The following ABI3BP variants were observed in gnomAD, a reference collection of about 807,000 sequenced individuals.
ABI3BP encodes target of Nesh-SH3.
In ABI3BP, 216 loss-of-function variants were observed where a neutral mutation model predicts 268.6. The observed-to-expected ratio is 0.80, with a 90% CI of 0.72 to 0.90. The LOEUF is 0.90. Among genes scored for constraint, ABI3BP ranks in the 40% least tolerant of loss-of-function variants. The pLI is 0.00. For missense variants in ABI3BP, 2,090 were observed against 2,182.4 expected (o/e 0.96, Z 0.84); for synonymous variants, 730 against 730.0 (o/e 1.00, Z 0.00).
rs2098667040 is a variant in ABI3BP, at chr3:100,839,991, G to A, written c.1897+81C>T. The A allele has an allele frequency of 2.5e-6, 3 of 1,202,772 alleles. No individual in the cohort carries two copies. In the South Asian group the frequency reaches 3.9e-5, roughly 16 times the overall value. 74.5% of individuals were successfully genotyped at this position (1,202,772 alleles called of 1,614,324 possible). On this transcript the variant is annotated intron_variant, in intron 23 of 67. Transcript: ENST00000471714. ...CAATTCCACTGGTTCCTAAAGCCCA[G>A]TTGCTCAAGTAGCTGATATCAAACC...
intron 67 of ABI3BP, 84 bp from the exon 68 acceptor site, chr3:100,750,694 C>A: frequency 1.1e-6 from 1 of 909,438 alleles, no homozygotes; most frequent in Non-Finnish European, 1.7e-6. Context: ...ATGTCGTTGA[C>A]TAGCTGAAGG....
chr3:100,797,567 T>G (rs542774756), intron 51 of ABI3BP, among the ~76,000 whole-genome samples: 15 of 151,898 alleles, frequency 9.9e-5, no homozygotes, highest in South Asian at 2.1e-4. Flanking sequence ...AAACTGTTTT[T>G]TTTTTTTTTT....
At chr3:100,779,633 A>ATG (rs1255117025) in intron 58 of ABI3BP, among the ~76,000 whole-genome samples, 57 of 142,038 alleles carry the variant, frequency 4.0e-4, no homozygotes, top group African/African-American at 1.4e-3. Flanking sequence ...CTCTCTCTCT[A>ATG]TGTGTTCAGG....
intron 22 of ABI3BP, 95 bp downstream of exon 22, chr3:100,840,725 A>T: frequency 8.9e-7 from 1 of 1,122,906 alleles, no homozygotes; most frequent in Non-Finnish European, 1.3e-6. Context: ...ACAAAGGGAC[A>T]TTAATGTATT....
At chr3:100,987,186 C>T (rs1026618642) in intron 1 of ABI3BP, among the ~76,000 whole-genome samples, 1 of 152,280 alleles carries the variant, frequency 6.6e-6, no homozygotes, top group East Asian at 1.9e-4. Context: ...CAAATTTTTT[C>T]TGAGGGTGGT....
chr3:100,931,511 G>A (rs1298607044), intron 1 of ABI3BP, among the ~76,000 whole-genome samples: 2 of 151,944 alleles, frequency 1.3e-5, no homozygotes, highest in Non-Finnish European at 2.9e-5. Context: ...CAAGTTTCAG[G>A]ATACAAAATC....
chr3:100,856,584 C>A (rs910324250), intron 14 of ABI3BP, among the ~76,000 whole-genome samples: 3 of 152,158 alleles, frequency 2.0e-5, no homozygotes, highest in African/African-American at 7.2e-5. Context: ...GGGAGAAGAA[C>A]AGGCAGGAGG....
chr3:100,884,884 G>A (rs1294291623), intron 6 of ABI3BP, among the ~76,000 whole-genome samples: 1 of 152,040 alleles, frequency 6.6e-6, no homozygotes, highest in Non-Finnish European at 1.5e-5. Context: ...ACATGTCTGT[G>A]GTGGCTCTAA....
chr3:100,941,933 T>G (rs2069469510), intron 1 of ABI3BP, among the ~76,000 whole-genome samples: 2 of 152,172 alleles, frequency 1.3e-5, no homozygotes, highest in South Asian at 4.1e-4. Context: ...TGGGGTTTTT[T>G]TGGAAGGGGA....
chr3:100,865,884 A>G (rs555511403), intron 10 of ABI3BP, among the ~76,000 whole-genome samples: 1 of 152,328 alleles, frequency 6.6e-6, no homozygotes, highest in African/African-American at 2.4e-5. Flanking sequence ...AAAACCATCT[A>G]GGAATTTCAT....
intron 3 of ABI3BP, among the ~76,000 whole-genome samples, chr3:100,900,161 G>T (rs529436732): frequency 1.3e-5 from 2 of 152,292 alleles, no homozygotes; most frequent in East Asian, 1.9e-4. Context: ...GGAAACACGG[G>T]TTTATTCTTC....
At chr3:100,925,108 CTT>C (rs1287220317) in intron 2 of ABI3BP, among the ~76,000 whole-genome samples, 2 of 152,060 alleles carry the variant, frequency 1.3e-5, no homozygotes, top group African/African-American at 2.4e-5. Flanking sequence ...AAGTGTTTGT[CTT>C]ATGTAAAATC....
chr3:100,993,401 C>G lies in ABI3BP; in HGVS notation c.-17G>C. 1 of 1,550,732 alleles carries G rather than the reference C, an allele frequency of 6.4e-7. No homozygotes were observed. Among genetic ancestry groups the G allele is most frequent in the South Asian group, 1.2e-5 (1 of 84,034 alleles). On this transcript the variant is annotated 5_prime_UTR_variant, in exon 1 of 68. Transcript: ENST00000471714. The stretch of plus-strand genomic sequence containing the variant: ...GGAGAGCATGTTGCATTTGCCACCT[C>G]GCATGGGGAATGATGCTGGTGGGTG...
intron 1 of ABI3BP, among the ~76,000 whole-genome samples, chr3:100,987,571 C>A (rs148852076): frequency 2.0e-5 from 3 of 152,112 alleles, no homozygotes; most frequent in African/African-American, 7.2e-5. Context: ...ATATAAGGTT[C>A]TTTTATAGCA....
In ABI3BP at chr3:100,950,498, A is replaced by G. The variant is rs567585358; in HGVS notation, c.80-24017T>C. The stretch of plus-strand genomic sequence containing the variant: ...GGTGAGTCAGGAATGGTATCACAGA[A>G]GAAGTGGCATCTGATCTGGGTCTTG... On this transcript the variant is annotated intron_variant, in intron 1 of 67. Coordinates refer to ENST00000471714, the MANE Select transcript of ABI3BP (RefSeq NM_001375547.2). 1.7e-4 allele frequency among the ~76,000 whole-genome samples: 25 copies of G among 150,144 alleles called. 2 individuals carry two copies. The highest frequency in any genetic ancestry group is 5.8e-4 in the African/African-American group (23 of 39,624).
intron 20 of ABI3BP, chr3:100,843,918 G>C (rs965581130): frequency 4.1e-6 from 4 of 985,232 alleles, no homozygotes; most frequent in Non-Finnish European, 4.8e-6. Flanking sequence ...CGTTGTTTTT[G>C]AAATTATAAG....
chr3:100,984,471 T>A (rs1042849312), intron 1 of ABI3BP, among the ~76,000 whole-genome samples: 1 of 152,216 alleles, frequency 6.6e-6, no homozygotes, highest in Non-Finnish European at 1.5e-5. Flanking sequence ...CAAAGTATGA[T>A]CCTTGACTGG....
At position 100,782,734 on chromosome 3, in the gene ABI3BP, GAAGAGAAAGGAGAAAATCAGT is replaced by G. The variant is rs1346604262; in HGVS notation, c.4163-2546_4163-2526del. ...GTCAAAGGTAGCAGAGAGGGAATGG[GAAGAGAAAGGAGAAAATCAGT>G]AAGAGAAAGGAGAAAATCAGTAAGA... On this transcript the variant is annotated intron_variant, in intron 57 of 67. Transcript: ENST00000471714. Among the ~76,000 whole-genome samples, 560 of 152,172 alleles carry G rather than the reference GAAGAGAAAGGAGAAAATCAGT, an allele frequency of 3.7e-3. 1 individual carries two copies. The highest frequency in any genetic ancestry group is 0.011 in the South Asian group (53 of 4,780).
intron 63 of ABI3BP, among the ~76,000 whole-genome samples, chr3:100,763,481 AAAAG>A (rs1356827017): frequency 6.6e-6 from 1 of 151,470 alleles, no homozygotes; most frequent in East Asian, 1.9e-4. Flanking sequence ...AAAAAAAGAA[AAAAG>A]AAAAAATCTA....
Sources: gnomAD v4.1 joint callset for allele counts (sites outside exome capture counted in the v4.1 genomes callset) on GRCh38, gnomAD v4.1.1 for gene constraint, MANE v1.5 for transcripts, NCBI Gene and HGNC (gene_info 2026-07-23, HGNC 2026-07-21) for gene names.